The following CSMD1 variants were observed in gnomAD, a reference collection of about 807,000 sequenced individuals.
The protein encoded by CSMD1 is CUB and sushi domain-containing protein 1.
In CSMD1, 213 loss-of-function variants were observed where a neutral mutation model predicts 417.5. The ratio of observed to expected loss-of-function variants is 0.51; its 90% CI spans 0.46 to 0.57. The LOEUF is 0.57. Among genes scored for constraint, CSMD1 ranks in the 20% least tolerant of loss-of-function variants. CSMD1 has a pLI of 0.00. For missense variants in CSMD1, 6,923 were observed against 4,529.7 expected, an observed-to-expected ratio of 1.53 and a Z score of -15.17; for synonymous variants, 2,862 against 1,736.8, an observed-to-expected ratio of 1.65 and a Z score of -16.11.
chr8:4,613,749 T>C (rs1801316004), intron 2 of CSMD1, among the ~76,000 whole-genome samples: 3 of 151,674 alleles, frequency 2.0e-5, no homozygotes. Flanking sequence ...TTTGGATCTT[T>C]AACAAACTCT....
At position 4,069,932 on chromosome 8, in the gene CSMD1, G is replaced by A. The variant is rs1281987008; in HGVS notation, c.416-37833C>T. Among the ~76,000 whole-genome samples the A allele has an allele frequency of 2.0e-5, 3 of 152,024 alleles. No individual in the cohort carries two copies. The East Asian group carries it at 5.8e-4, about 29-fold the overall frequency. ...GTTTTTTACCACTTTGTATAAAATT[G>A]CAGTATTATTTTTTCTGTTTGTCTT... On this transcript the variant is annotated intron_variant, in intron 3 of 69. Transcript: ENST00000635120.
At chr8:3,410,719 T>G (rs1812640273) in intron 12 of CSMD1, among the ~76,000 whole-genome samples, 1 of 152,122 alleles carries the variant, frequency 6.6e-6, no homozygotes, top group Non-Finnish European at 1.5e-5. Context: ...AGGGGTTATG[T>G]TTTATGGAGG....
chr8:3,909,529 C>G (rs867307362), intron 5 of CSMD1, among the ~76,000 whole-genome samples: 1 of 152,080 alleles, frequency 6.6e-6, no homozygotes. Flanking sequence ...ACAGCGTGGT[C>G]GCTCTCCCCA....
chr8:4,562,378 G>C (rs1006429506), intron 2 of CSMD1, among the ~76,000 whole-genome samples: 4 of 152,126 alleles, frequency 2.6e-5, no homozygotes, highest in East Asian at 3.9e-4. Flanking sequence ...AAAAGACTGA[G>C]GCATGAACCT....
chr8:4,327,369 T>A (rs1212723959), intron 3 of CSMD1, among the ~76,000 whole-genome samples: 2 of 152,146 alleles, frequency 1.3e-5, no homozygotes, highest in East Asian at 3.9e-4. Context: ...GAAAGGTTAA[T>A]GAAAATGGGG....
intron 5 of CSMD1, among the ~76,000 whole-genome samples, chr8:3,859,805 T>C (rs1804571193): frequency 6.6e-6 from 1 of 152,186 alleles, no homozygotes; most frequent in Admixed American, 6.5e-5. Flanking sequence ...TGCATCCTGA[T>C]TCCGCAGGGA....
intron 1 of CSMD1, among the ~76,000 whole-genome samples, chr8:4,943,504 AAAATG>A (rs1302570472): frequency 1.6e-4 from 3 of 18,858 alleles, no homozygotes; most frequent in South Asian, 4.3e-3. Flanking sequence ...TCAAAAAAAT[AAAATG>A]AAATAAAATA....
intron 54 of CSMD1, among the ~76,000 whole-genome samples, chr8:2,985,514 T>A (rs149049764): frequency 6.6e-6 from 1 of 152,126 alleles, no homozygotes; most frequent in African/African-American, 2.4e-5. Context: ...AAAGGTTCTA[T>A]ACAAAGTCAC....
chr8:3,677,372 C>T (rs776076225), intron 7 of CSMD1, among the ~76,000 whole-genome samples: 2 of 152,074 alleles, frequency 1.3e-5, no homozygotes, highest in African/African-American at 4.8e-5. Context: ...CAGTTATTTG[C>T]CTCCCACACA....
At chr8:4,633,994 A>AT (rs1181262199) in intron 2 of CSMD1, among the ~76,000 whole-genome samples, 4 of 121,638 alleles carry the variant, frequency 3.3e-5, no homozygotes, top group Non-Finnish European at 3.4e-5. Context: ...CTGACAGGTC[A>AT]TTAAAAAAAA....
chr8:4,126,124 T>G (rs1018481654), intron 3 of CSMD1, among the ~76,000 whole-genome samples: 1 of 151,964 alleles, frequency 6.6e-6, no homozygotes, highest in Admixed American at 6.6e-5. Context: ...CCCTGTGATT[T>G]CATCTTCAAC....
At chr8:4,019,495 T>C (rs951744637) in intron 4 of CSMD1, among the ~76,000 whole-genome samples, 1 of 152,144 alleles carries the variant, frequency 6.6e-6, no homozygotes, top group South Asian at 2.1e-4. Context: ...CTGGGGCCCA[T>C]TGCATGAATG....
intron 12 of CSMD1, among the ~76,000 whole-genome samples, chr8:3,455,527 A>G (rs936859517): frequency 6.6e-6 from 1 of 152,132 alleles, no homozygotes; most frequent in Non-Finnish European, 1.5e-5. Context: ...TTTTCCTTCT[A>G]ACAGTCAGGA....
At chr8:3,804,100 T>C (rs532896627) in intron 5 of CSMD1, among the ~76,000 whole-genome samples, 2 of 151,982 alleles carry the variant, frequency 1.3e-5, no homozygotes, top group South Asian at 2.1e-4. Context: ...CTATTTTTTT[T>C]GTTATATTTT....
chr8:3,993,441 A>C (rs991429388), intron 5 of CSMD1, among the ~76,000 whole-genome samples: 4 of 152,178 alleles, frequency 2.6e-5, no homozygotes, highest in Admixed American at 2.0e-4. Context: ...TAACTGACCC[A>C]TTCAAGCGTT....
At chr8:4,240,393 T>C (rs1037517838) in intron 3 of CSMD1, among the ~76,000 whole-genome samples, 1 of 152,246 alleles carries the variant, frequency 6.6e-6, no homozygotes, top group Admixed American at 6.5e-5. Flanking sequence ...GGCATCACAG[T>C]TGAGCACCTT....
intron 44 of CSMD1, among the ~76,000 whole-genome samples, chr8:3,108,335 C>T (rs1233870146): frequency 1.3e-5 from 2 of 152,194 alleles, no homozygotes; most frequent in South Asian, 2.1e-4. Flanking sequence ...ATAAAAGGTA[C>T]CAAATCTCTT....
chr8:3,214,282 A>C (rs568196717), intron 30 of CSMD1, among the ~76,000 whole-genome samples: 3 of 152,284 alleles, frequency 2.0e-5, no homozygotes, highest in Admixed American at 1.3e-4. Context: ...GCGAAGGAAA[A>C]ATATTGCTCC....
At chr8:3,002,659 T>G (rs1404209389) in intron 52 of CSMD1, among the ~76,000 whole-genome samples, 2 of 152,206 alleles carry the variant, frequency 1.3e-5, no homozygotes, top group Non-Finnish European at 2.9e-5. Context: ...CTTTTAAACC[T>G]TAATATTTTT....
Sources: gnomAD v4.1 joint callset for allele counts (sites outside exome capture counted in the v4.1 genomes callset) on GRCh38, gnomAD v4.1.1 for gene constraint, MANE v1.5 for transcripts, NCBI Gene and HGNC (gene_info 2026-07-23, HGNC 2026-07-21) for gene names.